Variants in RTN4R observed in about 807,000 individuals in gnomAD.
RTN4R encodes the protein reticulon 4 receptor, also known as reticulon-4 receptor.
A neutral mutation model predicts 27.7 loss-of-function variants in RTN4R; 4 were observed. That is an observed-to-expected ratio of 0.14 (90% CI 0.07 to 0.33). The LOEUF (loss-of-function observed/expected upper bound fraction) is 0.33. RTN4R is among the 10% of genes least tolerant of loss of function. The pLI, the probability that RTN4R is intolerant of heterozygous loss-of-function variation, is 1.00. For missense variants in RTN4R, 554 were observed against 671.5 expected (o/e 0.83, Z 1.93); for synonymous variants, 290 against 305.6 (o/e 0.95, Z 0.53).
At chr22:20,252,079 ATCATCACCATCGTCC>A (rs1478065130) in intron 1 of RTN4R, among the ~76,000 whole-genome samples, 1 of 87,626 alleles carries the variant, frequency 1.1e-5, no homozygotes, top group Admixed American at 1.0e-4. Flanking sequence ...CACCATCCTC[ATCATCACCATCGTCC>A]TCATCACCAT....
chr22:20,257,940 C>G (rs2051221057), intron 1 of RTN4R, among the ~76,000 whole-genome samples: 1 of 152,152 alleles, frequency 6.6e-6, no homozygotes, highest in South Asian at 2.1e-4. Flanking sequence ...CTAGGGAGGT[C>G]TCAGGCAGGC....
intron 1 of RTN4R, among the ~76,000 whole-genome samples, chr22:20,262,854 C>G (rs925132158): frequency 6.6e-6 from 1 of 152,212 alleles, no homozygotes; most frequent in South Asian, 2.1e-4. Flanking sequence ...GGCATGTCCC[C>G]GAGCTGGGCC....
intron 1 of RTN4R, among the ~76,000 whole-genome samples, chr22:20,252,030 T>TATC (rs1434444671): frequency 2.8e-5 from 1 of 36,120 alleles, no homozygotes; most frequent in African/African-American, 1.1e-4. Flanking sequence ...ATCCCATCAC[T>TATC]ATCATCACCA....
chr22:20,267,816 A>C (rs1569044315), intron 1 of RTN4R: 12 of 350,432 alleles, frequency 3.4e-5, no homozygotes, highest in East Asian at 1.0e-4. Flanking sequence ...TCGGACCGCC[A>C]CCCTCGGCCC....
rs1323332271 is a variant in RTN4R, at chr22:20,242,359, G to A, written c.774C>T (p.Asn258=). 4.3e-6 allele frequency: 7 copies of A among 1,612,622 alleles called. No homozygotes were observed. The highest frequency in any genetic ancestry group is 2.7e-5 in the African/African-American group (2 of 74,930). The part of the protein sequence containing the change: ...PLRALQYLRL[N]DNPWVCDCRA... ...GGCAGTCACACACCCAGGGGTTGTC[G>A]TTGAGCCTCAGGTACTGCAGGGCAC... is the stretch of plus-strand genomic sequence containing the variant. Residue 258 remains asparagine, a synonymous_variant, in exon 2 of 2, where the codon AAC becomes AAT. Coordinates refer to ENST00000043402, the MANE Select transcript of RTN4R (RefSeq NM_023004.6).
At chr22:20,257,974 C>T (rs1486462758) in intron 1 of RTN4R, among the ~76,000 whole-genome samples, 1 of 152,242 alleles carries the variant, frequency 6.6e-6, no homozygotes, top group South Asian at 2.1e-4. Flanking sequence ...AGAACTGCTT[C>T]CCTCAGTTGG....
rs2051235600 is a variant in RTN4R at position 20,260,007 on chromosome 22, G to A, written c.22+8064C>T. On this transcript the variant is annotated intron_variant, in intron 1 of 1. Transcript: ENST00000043402. ...GACTGGACCAGGGCCCACTGGGAGTGCATCTTGGTGCCTGAAACTGCACCA... is the reference window on the plus strand; with the variant it reads ...GACTGGACCAGGGCCCACTGGGAGTACATCTTGGTGCCTGAAACTGCACCA... Among the ~76,000 whole-genome samples the A allele has an allele frequency of 2.0e-5, 3 of 152,180 alleles. No homozygotes were observed. In the South Asian group the frequency reaches 6.2e-4, roughly 31 times the overall value.
chr22:20,241,544 A>T lies in RTN4R; in HGVS notation c.*167T>A. 1 of 702,256 alleles carries T rather than the reference A, an allele frequency of 1.4e-6. No individual in the cohort carries two copies. Among genetic ancestry groups the T allele is most frequent in the Non-Finnish European group, 2.4e-6 (1 of 417,882 alleles). The allele number at this position is 702,256 out of a possible 1,614,324, so 43.5% of individuals were successfully genotyped here. ...AACAAACGCTGCCGCCGAACCCTGT[A>T]AACATGATGGGGTGGAGATGGGGGT... On this transcript the variant is annotated 3_prime_UTR_variant, in exon 2 of 2. Coordinates refer to ENST00000043402, the MANE Select transcript of RTN4R (RefSeq NM_023004.6).
chr22:20,245,717 G>A (rs2051136681), intron 1 of RTN4R, among the ~76,000 whole-genome samples: 1 of 152,170 alleles, frequency 6.6e-6, no homozygotes. Context: ...ACTCTAATAG[G>A]ATGCTCTACT....
Position 20,264,190 on chromosome 22 carries a change from G to C in RTN4R, c.22+3881C>G, listed in dbSNP as rs371196178. On this transcript the variant is annotated intron_variant, in intron 1 of 1. Transcript: ENST00000043402. The stretch of plus-strand genomic sequence containing the variant: ...GCATCTCCCAGTGTCCAGCTCCACG[G>C]CTGCAGGCAGTGCAGGAGGCCGGTG... Among the ~76,000 whole-genome samples the C allele has an allele frequency of 2.6e-5, 4 of 152,378 alleles. No individual in the cohort carries two copies. In the South Asian group the frequency reaches 6.2e-4, roughly 24 times the overall value.
intron 1 of RTN4R, among the ~76,000 whole-genome samples, chr22:20,260,823 A>G (rs1011439173): frequency 2.6e-5 from 4 of 152,178 alleles, no homozygotes; most frequent in Admixed American, 6.5e-5. Flanking sequence ...TCTCTGAGTC[A>G]GTGCAGAGGT....
At chr22:20,243,492 C>CG (rs1363373713) in intron 1 of RTN4R, 2 of 509,118 alleles carry the variant, frequency 3.9e-6, no homozygotes, top group Non-Finnish European at 4.0e-6. Flanking sequence ...CAGGAGTCCC[C>CG]GGGGGGTCCC....
intron 1 of RTN4R, among the ~76,000 whole-genome samples, chr22:20,254,332 G>A (rs2051200671): frequency 6.6e-6 from 1 of 151,566 alleles, no homozygotes; most frequent in Admixed American, 6.6e-5. Flanking sequence ...GGGAGGTTGA[G>A]GTGGAAGGAT....
rs569528258 is a variant in RTN4R at position 20,242,146 on chromosome 22, C to T, written c.987G>A (p.Pro329=). ...GCTGGCAGCACTTGGGAAGCCCCAG[C>T]GGCTCCTCATCGGTGGCCCTGCCGG... ...IWTGRATDEE[P]LGLPKCCQPD... Residue 329 remains proline (P), a synonymous_variant, in exon 2 of 2, where the codon CCG becomes CCA. Coordinates refer to ENST00000043402, the MANE Select transcript of RTN4R (RefSeq NM_023004.6). The T allele has an allele frequency of 8.7e-6, 14 of 1,612,144 alleles. No homozygotes were observed. Among genetic ancestry groups the T allele is most frequent in the African/African-American group, 2.7e-5 (2 of 75,060 alleles).
At position 20,242,692 on chromosome 22, in the gene RTN4R, C is replaced by T. The variant is rs774495938; in HGVS notation, c.441G>A (p.Pro147=). 13 of 1,612,292 alleles carry T rather than the reference C, an allele frequency of 8.1e-6. No individual in the cohort carries two copies. In the Middle Eastern group the frequency reaches 5.0e-4, roughly 62 times the overall value. The change falls in exon 2 of 2, where the codon CCG becomes CCA. Residue 147 remains proline, a synonymous_variant. Coordinates refer to ENST00000043402, the MANE Select transcript of RTN4R (RefSeq NM_023004.6). The part of the protein sequence containing the change: ...LDRCGLQELG[P]GLFRGLAALQ... Reference sequence around the variant, plus strand: ...GGGCAGCCAGGCCGCGGAACAGCCCCGGGCCCAGCTCCTGCAGGCCGCAGC... The same window carrying T: ...GGGCAGCCAGGCCGCGGAACAGCCCTGGGCCCAGCTCCTGCAGGCCGCAGC...
Position 20,242,069 on chromosome 22 carries a change from G to A in RTN4R, c.1064C>T (p.Ala355Val), listed in dbSNP as rs751861755. Residue 355 changes from alanine (A) to valine (V), a missense_variant, in exon 2 of 2, where the codon GCA becomes GTA. Physicochemically the swap from Ala to Val is moderately conservative, Grantham distance 64. This residue lies in a region of RTN4R where 413 missense variants were observed against 542.3 expected (regional missense o/e 0.76). Coordinates refer to ENST00000043402, the MANE Select transcript of RTN4R (RefSeq NM_023004.6). The stretch of plus-strand genomic sequence containing the variant: ...CACGCGTCCCTTCAGCGCATTGCCT[G>A]CCGAAGCTGGTCTTCCAGGCTCCAG... The part of the protein sequence containing the change: ...SVLEPGRPAS[A>V]GNALKGRVPP... 15 of 1,612,484 alleles carry A rather than the reference G, an allele frequency of 9.3e-6. No homozygotes were observed. Among genetic ancestry groups the A allele is most frequent in the Non-Finnish European group, 1.3e-5 (15 of 1,179,784 alleles).
chr22:20,261,331 G>T (rs1224366234), intron 1 of RTN4R, among the ~76,000 whole-genome samples: 2 of 152,198 alleles, frequency 1.3e-5, no homozygotes, highest in East Asian at 1.9e-4. Context: ...CACTAGTCTC[G>T]ATTTCCACAG....
intron 1 of RTN4R, among the ~76,000 whole-genome samples, chr22:20,252,073 ATCCTCATCATCACCATCG>A (rs2051186783): frequency 7.1e-6 from 1 of 141,452 alleles, no homozygotes; most frequent in South Asian, 2.3e-4. Flanking sequence ...CACCATCACC[ATCCTCATCATCACCATCG>A]TCCTCATCAC....
chr22:20,246,505 G>A (rs1003666736), intron 1 of RTN4R, among the ~76,000 whole-genome samples: 1 of 151,810 alleles, frequency 6.6e-6, no homozygotes, highest in African/African-American at 2.4e-5. Context: ...GGGTGGAGAA[G>A]GGGGATGGGG....
Sources: allele counts gnomAD v4.1 joint callset (sites outside exome capture counted in the v4.1 genomes callset), GRCh38; gene constraint gnomAD v4.1.1; regional missense constraint gnomAD v4.1.1; transcripts MANE v1.5; gene names NCBI Gene and HGNC (gene_info 2026-07-23, HGNC 2026-07-21).